FARP2: variants seen among roughly 807,000 people sequenced by gnomAD.
FARP2 encodes FERM, ARHGEF and pleckstrin domain-containing protein 2.
Under a neutral mutation model 130.5 loss-of-function variants are expected in FARP2, and 111 were observed. That is an observed-to-expected ratio of 0.85 (90% CI 0.73 to 1.00). The LOEUF (loss-of-function observed/expected upper bound fraction) is 1.00, where lower values mean the gene tolerates loss of function less well. FARP2 is among the 50% of genes least tolerant of loss of function. The pLI is 0.00. For synonymous variants in FARP2, 504 were observed against 516.9 expected (o/e 0.98, Z 0.34); for missense variants, 1,385 against 1,346.3 (o/e 1.03, Z -0.45).
chr2:241,469,052 GTTTTTT>G (rs2064244009), intron 18 of FARP2, among the ~76,000 whole-genome samples: 1 of 151,654 alleles, frequency 6.6e-6, no homozygotes, highest in African/African-American at 2.4e-5. Flanking sequence ...TTATCAGGAG[GTTTTTT>G]GTTTTTGTTT....
At chr2:241,433,940 G>A (rs1406122743) in intron 9 of FARP2, among the ~76,000 whole-genome samples, 2 of 152,170 alleles carry the variant, frequency 1.3e-5, no homozygotes, top group African/African-American at 4.8e-5. Context: ...AGCGGCTGAG[G>A]TGGGAGGATT....
intron 19 of FARP2, chr2:241,478,877 G>A (rs970481395): frequency 5.2e-6 from 2 of 387,254 alleles, no homozygotes; most frequent in Non-Finnish European, 5.0e-6. Flanking sequence ...TGGGAATGAA[G>A]ATCAGGCCAA....
chr2:241,370,671 C>A (rs2061405534), intron 1 of FARP2, among the ~76,000 whole-genome samples: 1 of 152,118 alleles, frequency 6.6e-6, no homozygotes, highest in Non-Finnish European at 1.5e-5. Flanking sequence ...CTTCATATAT[C>A]TCATGTTTAA....
intron 19 of FARP2, chr2:241,478,859 T>C (rs2064542771): frequency 2.6e-6 from 1 of 385,554 alleles, no homozygotes; most frequent in South Asian, 2.3e-5. Context: ...TGGCTCTTCT[T>C]ACAACTATGG....
intron 18 of FARP2, among the ~76,000 whole-genome samples, chr2:241,474,740 C>T (rs2064410251): frequency 6.6e-6 from 1 of 151,412 alleles, no homozygotes; most frequent in Non-Finnish European, 1.5e-5. Flanking sequence ...TTCAGTGAGC[C>T]AAGATCGTGC....
At chr2:241,369,496 G>A (rs2061379875) in intron 1 of FARP2, among the ~76,000 whole-genome samples, 1 of 151,310 alleles carries the variant, frequency 6.6e-6, no homozygotes, top group African/African-American at 2.4e-5. Context: ...GGTTTTATCA[G>A]TGGAATGTGC....
chr2:241,484,880 C>T (rs1216436596), intron 21 of FARP2, among the ~76,000 whole-genome samples: 4 of 152,168 alleles, frequency 2.6e-5, no homozygotes, highest in South Asian at 2.1e-4. Flanking sequence ...TTGCCCTGAG[C>T]GTGTCCCTGC....
intron 8 of FARP2, among the ~76,000 whole-genome samples, chr2:241,427,167 C>T (rs536873718): frequency 5.9e-5 from 9 of 151,948 alleles, no homozygotes; most frequent in Admixed American, 1.3e-4. Context: ...TCCAGGAGGC[C>T]GAGGTTACAG....
chr2:241,429,006 T>C (rs1008406128), intron 8 of FARP2, among the ~76,000 whole-genome samples: 1 of 152,226 alleles, frequency 6.6e-6, no homozygotes, highest in Non-Finnish European at 1.5e-5. Context: ...GTTTGTTTTT[T>C]CCTTTGGAGC....
rs753991762 is a variant in FARP2 at position 241,466,518 on chromosome 2, C to T, written c.1894-1622C>T. 1,082 of 985,450 alleles carry T rather than the reference C, an allele frequency of 1.1e-3. 1 individual carries two copies. Among genetic ancestry groups the T allele is most frequent in the Non-Finnish European group, 1.2e-3 (1,033 of 829,924 alleles). The allele number at this position is 985,450 out of a possible 1,614,324, so 61.0% of individuals were successfully genotyped here. On this transcript the variant is annotated intron_variant, in intron 17 of 26. Transcript: ENST00000264042. ...GCCCGGCCCTGCCACAGAGAGGGAC[C>T]CCAGCCCATCATGGGCATCGGCAGG... is the stretch of plus-strand genomic sequence containing the variant.
At chr2:241,422,258 T>C (rs970525735) in intron 8 of FARP2, among the ~76,000 whole-genome samples, 11 of 43,082 alleles carry the variant, frequency 2.6e-4, no homozygotes, top group Non-Finnish European at 3.9e-4. Flanking sequence ...CTACTAAAAA[T>C]ACAAAAAAAA....
intron 13 of FARP2, among the ~76,000 whole-genome samples, chr2:241,453,344 T>G (rs28446330): frequency 1.2e-4 from 18 of 148,256 alleles, no homozygotes; most frequent in African/African-American, 3.7e-4. Context: ...TATTTGTGGC[T>G]GGGCGCGGTG....
At chr2:241,427,747 C>T (rs1389333589) in intron 8 of FARP2, among the ~76,000 whole-genome samples, 2 of 152,080 alleles carry the variant, frequency 1.3e-5, no homozygotes, top group Admixed American at 1.3e-4. Context: ...TCATCTCTTA[C>T]CTCCGTGGCA....
chr2:241,458,080 C>T (rs953269490), intron 14 of FARP2, among the ~76,000 whole-genome samples: 6 of 152,148 alleles, frequency 3.9e-5, no homozygotes, highest in Non-Finnish European at 7.4e-5. Context: ...CAACCAGGGG[C>T]AGGGATGCTG....
Position 241,436,929 on chromosome 2 carries a change from T to C in FARP2, c.1158+391T>C, listed in dbSNP as rs1649007887. 2.6e-5 allele frequency among the ~76,000 whole-genome samples: 4 copies of C among 152,176 alleles called. 1 individual carries two copies. The highest frequency in any genetic ancestry group is 1.3e-4 in the Admixed American group (2 of 15,280). On this transcript the variant is annotated intron_variant, in intron 12 of 26. Transcript: ENST00000264042. ...TGAGCCCAGGAAGTTGGGGCTACAG[T>C]GAGCCAAGATAGTGGCACTACACTC...
rs143766466 is a variant in FARP2 at position 241,456,777 on chromosome 2, C to A, written c.1442C>A (p.Pro481His). ...TCCACGAAGAGTCCTCAGCCTTCTC[C>A]CTCCAGCCGGAAGAGCCCCCTGAGT... ...GLSTKSPQPS[P>H]SSRKSPLSLS... The change falls in exon 14 of 27, where the codon CCC becomes CAC. Residue 481 changes from proline (P) to histidine (H), a missense_variant. Pro to His is a moderately conservative substitution (Grantham distance 77, BLOSUM62 -2). Coordinates refer to ENST00000264042, the MANE Select transcript of FARP2 (RefSeq NM_014808.4). 6.2e-7 allele frequency: 1 copy of A among 1,614,168 alleles called. No individual in the cohort carries two copies. Among genetic ancestry groups the A allele is most frequent in the African/African-American group, 1.3e-5 (1 of 75,046 alleles).
chr2:241,366,098 A>ATATATAT (rs2061297612), intron 1 of FARP2, among the ~76,000 whole-genome samples: 1 of 444 alleles, frequency 2.3e-3, no homozygotes, highest in South Asian at 0.045. Flanking sequence ...CTACTAAAAA[A>ATATATAT]AAAAAAATAT....
chr2:241,493,026 A>AAACTC lies in FARP2; in HGVS notation c.2887_2891dup (p.His964GlnfsTer19). The stretch of plus-strand genomic sequence containing the variant: ...ACCAACTTCTGTTTGTTCTTCTACA[A>AAACTC]AACTCATCAGGTACTGGAGTTTCAC... On this transcript the variant is annotated frameshift_variant, in exon 25 of 27. Coordinates refer to ENST00000264042, the MANE Select transcript of FARP2 (RefSeq NM_014808.4). LOFTEE classifies it high-confidence loss of function. 3 of 1,587,148 alleles carry AAACTC rather than the reference A, an allele frequency of 1.9e-6. No individual in the cohort carries two copies. The highest frequency in any genetic ancestry group is 1.7e-5 in the Admixed American group (1 of 59,996).
chr2:241,431,372 G>A (rs116660098), intron 8 of FARP2, among the ~76,000 whole-genome samples: 4,385 of 151,888 alleles, frequency 0.029, 94 homozygotes, highest in Non-Finnish European at 0.046. Context: ...CTGCTCCAGA[G>A]GCTGAGGCAG....
Sources: gnomAD v4.1 joint callset for allele counts (sites outside exome capture counted in the v4.1 genomes callset) on GRCh38, gnomAD v4.1.1 for gene constraint, MANE v1.5 for transcripts, NCBI Gene and HGNC (gene_info 2026-07-23, HGNC 2026-07-21) for gene names.